Variants in PLPPR1 observed in about 807,000 individuals in gnomAD.
PLPPR1 encodes the protein phospholipid phosphatase-related protein type 1.
In PLPPR1, 10 loss-of-function variants were observed where a neutral mutation model predicts 33.1. That is an observed-to-expected ratio of 0.30 (90% CI 0.19 to 0.51). PLPPR1 has a LOEUF of 0.51. PLPPR1 is among the 20% of genes least tolerant of loss of function. PLPPR1 has a pLI of 0.97. For missense variants in PLPPR1, 304 were observed against 408.1 expected (o/e 0.74, Z 2.20); for synonymous variants, 151 against 151.0 (o/e 1.00, Z 0.00).
At chr9:101,204,936 G>C (rs905664158) in intron 2 of PLPPR1, among the ~76,000 whole-genome samples, 2 of 152,086 alleles carry the variant, frequency 1.3e-5, no homozygotes, top group African/African-American at 2.4e-5. Context: ...GGACGGGGAG[G>C]GGGAGGGAAA....
intron 1 of PLPPR1, among the ~76,000 whole-genome samples, chr9:101,036,701 C>CAAAAA (rs5899427): frequency 1.4e-4 from 14 of 103,682 alleles, no homozygotes; most frequent in East Asian, 2.7e-4. Context: ...CTATTTCTGC[C>CAAAAA]AAAAAAAAAA....
chr9:101,187,053 A>C (rs562774373), intron 2 of PLPPR1, among the ~76,000 whole-genome samples: 1 of 151,910 alleles, frequency 6.6e-6, no homozygotes, highest in Non-Finnish European at 1.5e-5. Context: ...GATTCTTCTT[A>C]TTAATATTGT....
chr9:101,214,278 G>A (rs1826744632), intron 2 of PLPPR1, among the ~76,000 whole-genome samples: 1 of 152,202 alleles, frequency 6.6e-6, no homozygotes, highest in Non-Finnish European at 1.5e-5. Flanking sequence ...TCCTTGAATA[G>A]CTCCTTATAC....
At position 101,093,566 on chromosome 9, in the gene PLPPR1, A is replaced by C. The variant is rs76578034; in HGVS notation, c.-46+64464A>C. 0.016 allele frequency among the ~76,000 whole-genome samples: 2,505 copies of C among 152,298 alleles called. 138 individuals carry two copies. In the South Asian group the frequency reaches 0.19, roughly 12 times the overall value. On this transcript the variant is annotated intron_variant, in intron 1 of 7. Transcript: ENST00000374874. ...GTTCCTTGTCTGTTTTGATGCATCT[A>C]GCAAACATGCCACAACCATGGACCA... is the stretch of plus-strand genomic sequence containing the variant.
Position 101,312,786 on chromosome 9 carries a change from G to T in PLPPR1, c.637-12G>T. 6.2e-7 allele frequency: 1 copy of T among 1,613,254 alleles called. No homozygotes were observed. Reference sequence around the variant, plus strand: ...GCTGCCTGGTCACTCCCTGGCCTCTGTCCTATTCCAGATGTATATTACAAG... The same window carrying T: ...GCTGCCTGGTCACTCCCTGGCCTCTTTCCTATTCCAGATGTATATTACAAG... On this transcript the variant is annotated splice_polypyrimidine_tract_variant and intron_variant, in intron 5 of 7. Coordinates refer to ENST00000374874, the MANE Select transcript of PLPPR1 (RefSeq NM_207299.2).
chr9:101,142,208 T>G (rs1420956317), intron 1 of PLPPR1, among the ~76,000 whole-genome samples: 1 of 152,206 alleles, frequency 6.6e-6, no homozygotes, highest in Non-Finnish European at 1.5e-5. Context: ...CTGCTAATAA[T>G]AGTAGAGCAG....
chr9:101,262,843 T>A (rs949492528), intron 2 of PLPPR1, among the ~76,000 whole-genome samples: 6 of 152,344 alleles, frequency 3.9e-5, no homozygotes, highest in East Asian at 1.9e-4. Flanking sequence ...GATGAGTTCA[T>A]GTCCTTTGCA....
intron 1 of PLPPR1, among the ~76,000 whole-genome samples, chr9:101,076,118 C>T (rs1266906365): frequency 2.0e-5 from 3 of 152,042 alleles, no homozygotes; most frequent in South Asian, 2.1e-4. Flanking sequence ...TCTGGGAATT[C>T]GTGAGTAATG....
intron 1 of PLPPR1, among the ~76,000 whole-genome samples, chr9:101,086,455 T>C (rs1042827295): frequency 6.6e-6 from 1 of 151,270 alleles, no homozygotes; most frequent in Non-Finnish European, 1.5e-5. Flanking sequence ...AGTAACCAAA[T>C]GTGGTCTACC....
intron 1 of PLPPR1, among the ~76,000 whole-genome samples, chr9:101,068,144 A>G (rs778591689): frequency 2.0e-5 from 3 of 152,164 alleles, no homozygotes; most frequent in Non-Finnish European, 4.4e-5. Context: ...AGCAAATACC[A>G]TGTACAAGTC....
At chr9:101,123,430 G>T (rs1831200671) in intron 1 of PLPPR1, among the ~76,000 whole-genome samples, 1 of 152,098 alleles carries the variant, frequency 6.6e-6, no homozygotes, top group African/African-American at 2.4e-5. Flanking sequence ...CCATGGAGAG[G>T]GGTTGTTGGG....
chr9:101,223,679 G>A (rs1025144829), intron 2 of PLPPR1, among the ~76,000 whole-genome samples: 1 of 151,980 alleles, frequency 6.6e-6, no homozygotes, highest in African/African-American at 2.4e-5. Context: ...TCCCCTGCTT[G>A]TACTCATTCT....
chr9:101,289,766 G>A (rs1828460167), intron 4 of PLPPR1, among the ~76,000 whole-genome samples: 1 of 152,206 alleles, frequency 6.6e-6, no homozygotes, highest in South Asian at 2.1e-4. Flanking sequence ...GGAACTGTGA[G>A]TTCTTCATTA....
chr9:101,237,833 A>G (rs1827340622), intron 2 of PLPPR1, among the ~76,000 whole-genome samples: 2 of 104,070 alleles, frequency 1.9e-5, no homozygotes, highest in Admixed American at 2.0e-4. Flanking sequence ...ATATATATAT[A>G]TATGCTATAT....
At chr9:101,052,356 G>A (rs1588008145) in intron 1 of PLPPR1, among the ~76,000 whole-genome samples, 1 of 152,296 alleles carries the variant, frequency 6.6e-6, no homozygotes, top group East Asian at 1.9e-4. Context: ...CACAATGGGG[G>A]AAGGAGTAGA....
chr9:101,128,565 C>G (rs1003059463), intron 1 of PLPPR1, among the ~76,000 whole-genome samples: 9 of 152,180 alleles, frequency 5.9e-5, no homozygotes, highest in Non-Finnish European at 1.3e-4. Context: ...GTTTGGTACT[C>G]AGCCGAGTGC....
intron 2 of PLPPR1, among the ~76,000 whole-genome samples, chr9:101,247,566 T>A (rs1588094175): frequency 6.6e-6 from 1 of 152,098 alleles, no homozygotes; most frequent in South Asian, 2.1e-4. Flanking sequence ...AAAGTGGGTG[T>A]GCAGTAGTCT....
chr9:101,075,816 G>A (rs1042326551), intron 1 of PLPPR1, among the ~76,000 whole-genome samples: 6 of 152,002 alleles, frequency 3.9e-5, no homozygotes, highest in Admixed American at 6.6e-5. Flanking sequence ...TAGGACAGTG[G>A]TGTAGATGGA....
chr9:101,171,483 G>T (rs1001134961), intron 1 of PLPPR1, among the ~76,000 whole-genome samples: 1 of 152,146 alleles, frequency 6.6e-6, no homozygotes, highest in Non-Finnish European at 1.5e-5. Context: ...TAGCTCAAGG[G>T]CTGCATTGTG....
Sources: allele counts gnomAD v4.1 joint callset (sites outside exome capture counted in the v4.1 genomes callset), GRCh38; gene constraint gnomAD v4.1.1; transcripts MANE v1.5; gene names NCBI Gene and HGNC (gene_info 2026-07-23, HGNC 2026-07-21).